The following TAFA2 variants were observed in gnomAD, a reference collection of about 807,000 sequenced individuals.
The protein encoded by TAFA2 is chemokine-like protein TAFA-2.
A neutral mutation model predicts 18.8 loss-of-function variants in TAFA2; 7 were observed. That is an observed-to-expected ratio of 0.37 (90% CI 0.21 to 0.70). The LOEUF is 0.70. TAFA2 is among the 30% of genes least tolerant of loss of function. The probability of loss-of-function intolerance (pLI) is 0.53; values close to 1 mark genes in which losing one functional copy is unlikely to be tolerated. For missense variants in TAFA2, 122 were observed against 158.1 expected (o/e 0.77, Z 1.23); for synonymous variants, 60 against 54.2 (o/e 1.11, Z -0.47).
chr12:61,989,845 A>G (rs1467311127), intron 1 of TAFA2, among the ~76,000 whole-genome samples: 1 of 152,206 alleles, frequency 6.6e-6, no homozygotes, highest in Non-Finnish European at 1.5e-5. Flanking sequence ...AAGTCAGAAC[A>G]ACTAACACAC....
chr12:62,103,739 C>T (rs941459608), intron 1 of TAFA2, among the ~76,000 whole-genome samples: 4 of 144,660 alleles, frequency 2.8e-5, no homozygotes, highest in African/African-American at 5.1e-5. Flanking sequence ...GAAACTCCTT[C>T]TCAAAAAGAA....
chr12:62,202,758 T>G (rs1256906398), intron 1 of TAFA2, among the ~76,000 whole-genome samples: 1 of 151,926 alleles, frequency 6.6e-6, no homozygotes, highest in African/African-American at 2.4e-5. Flanking sequence ...CTGCCTTAAT[T>G]TCATTATTTA....
chr12:61,746,318 T>G (rs557552443), intron 4 of TAFA2, among the ~76,000 whole-genome samples: 1 of 152,108 alleles, frequency 6.6e-6, no homozygotes, highest in African/African-American at 2.4e-5. Context: ...TCCTGAGGCC[T>G]CCCCAGCAAT....
At chr12:61,805,709 T>C (rs1297660276) in intron 2 of TAFA2, among the ~76,000 whole-genome samples, 1 of 152,152 alleles carries the variant, frequency 6.6e-6, no homozygotes, top group Non-Finnish European at 1.5e-5. Context: ...ATTTAGTAGA[T>C]TAATGTGGAA....
intron 1 of TAFA2, among the ~76,000 whole-genome samples, chr12:62,084,582 A>G (rs1000377488): frequency 6.6e-6 from 1 of 152,184 alleles, no homozygotes; most frequent in South Asian, 2.1e-4. Flanking sequence ...TCAAAAGCAA[A>G]TTTCCTCCAG....
intron 1 of TAFA2, among the ~76,000 whole-genome samples, chr12:61,912,836 C>T (rs1008001954): frequency 6.6e-5 from 10 of 152,226 alleles, no homozygotes; most frequent in Admixed American, 1.3e-4. Flanking sequence ...TCATTACAAG[C>T]CAGGGGTTTC....
Position 61,754,995 on chromosome 12 carries a change from C to A in TAFA2, c.136G>T (p.Val46Leu). ...AHHVKTGTCE[V>L]VALHRCCNKN... ...TTACAGCATCTGTGGAGTGCCACCA[C>A]CTCACAAGTTCCCGTTTTAACATGG... is the stretch of plus-strand genomic sequence containing the variant. Residue 46 changes from valine to leucine, a missense_variant, in exon 3 of 5, where the codon GTG becomes TTG. Transcript: ENST00000416284. 1 of 1,612,816 alleles carries A rather than the reference C, an allele frequency of 6.2e-7. No individual in the cohort carries two copies. Among genetic ancestry groups the A allele is most frequent in the Non-Finnish European group, 8.5e-7 (1 of 1,179,306 alleles).
intron 2 of TAFA2, among the ~76,000 whole-genome samples, chr12:61,859,170 CAA>C (rs1175386685): frequency 6.6e-6 from 1 of 152,186 alleles, no homozygotes; most frequent in Non-Finnish European, 1.5e-5. Context: ...TGGCCCAAGG[CAA>C]AAGAGAAGCA....
chr12:62,110,612 CTTT>C (rs68008958), intron 1 of TAFA2, among the ~76,000 whole-genome samples: 27 of 104,778 alleles, frequency 2.6e-4, no homozygotes, highest in African/African-American at 8.0e-4. Flanking sequence ...TGGTCCTGGG[CTTT>C]TTTTTTTTTT....
chr12:61,951,633 T>C (rs1055975881), intron 1 of TAFA2, among the ~76,000 whole-genome samples: 31 of 151,990 alleles, frequency 2.0e-4, no homozygotes, highest in East Asian at 1.9e-4. Context: ...ATGAAGGGCA[T>C]AGAAGAAAAA....
At chr12:61,775,067 G>T (rs1173002992) in intron 2 of TAFA2, among the ~76,000 whole-genome samples, 1 of 151,732 alleles carries the variant, frequency 6.6e-6, no homozygotes, top group East Asian at 2.0e-4. Context: ...CCTGTGAAAA[G>T]ATGCTCCAAA....
At chr12:62,078,185 G>GTCAC (rs1868265489) in intron 1 of TAFA2, among the ~76,000 whole-genome samples, 1 of 152,052 alleles carries the variant, frequency 6.6e-6, no homozygotes, top group Non-Finnish European at 1.5e-5. Flanking sequence ...GCTGACCCAA[G>GTCAC]TCACGTAGCA....
chr12:61,754,373 G>C (rs1245099132), intron 3 of TAFA2, among the ~76,000 whole-genome samples: 2 of 151,482 alleles, frequency 1.3e-5, no homozygotes, highest in Admixed American at 6.6e-5. Context: ...CTATAATTAG[G>C]TGAACCCTCA....
chr12:61,943,608 G>A (rs972680381), intron 1 of TAFA2, among the ~76,000 whole-genome samples: 4 of 151,408 alleles, frequency 2.6e-5, no homozygotes, highest in African/African-American at 9.7e-5. Flanking sequence ...GATGGAGGAA[G>A]ATCTACCAAG....
chr12:62,199,027 A>G (rs1480424891), intron 1 of TAFA2, among the ~76,000 whole-genome samples: 1 of 151,624 alleles, frequency 6.6e-6, no homozygotes. Context: ...TATTTAGTTC[A>G]CATTTCTGTG....
intron 1 of TAFA2, among the ~76,000 whole-genome samples, chr12:61,917,686 A>C (rs1171752949): frequency 1.3e-5 from 2 of 152,174 alleles, no homozygotes; most frequent in African/African-American, 2.4e-5. Flanking sequence ...AAGCGTGGTC[A>C]CTTATTCCTA....
chr12:62,238,975 T>G lies in TAFA2; in HGVS notation c.-130+19788A>C, dbSNP rs1030631634. ...AAACAAATGTCTGATTCCAAGACGA[T>G]TTATAAATATGCACGTTTTTATGAA... On this transcript the variant is annotated intron_variant, in intron 1 of 5. Coordinates refer to the TAFA2 transcript ENST00000551619. Among the ~76,000 whole-genome samples, 9 of 152,214 alleles carry G rather than the reference T, an allele frequency of 5.9e-5. No homozygotes were observed. In the South Asian group the frequency reaches 8.3e-4, roughly 14 times the overall value.
At chr12:61,878,721 G>T (rs1198233865) in intron 1 of TAFA2, among the ~76,000 whole-genome samples, 1 of 152,152 alleles carries the variant, frequency 6.6e-6, no homozygotes, top group Admixed American at 6.5e-5. Context: ...CCTCTTGTAG[G>T]CAGTAGAATA....
At chr12:62,141,318 T>G (rs1012260050) in intron 1 of TAFA2, among the ~76,000 whole-genome samples, 13 of 152,176 alleles carry the variant, frequency 8.5e-5, no homozygotes, top group African/African-American at 3.1e-4. Context: ...ACTGCGAGAA[T>G]GGGGCTTACT....
Sources: gnomAD v4.1 joint callset for allele counts (sites outside exome capture counted in the v4.1 genomes callset) on GRCh38, gnomAD v4.1.1 for gene constraint, MANE v1.5 for transcripts, NCBI Gene and HGNC (gene_info 2026-07-23, HGNC 2026-07-21) for gene names.